Variants in RBM6 observed in about 807,000 individuals in gnomAD.
RBM6 encodes the protein RNA-binding protein 6.
RBM6 carries 23 observed loss-of-function variants against 140.4 expected under a neutral mutation model. The observed-to-expected ratio is 0.16, with a 90% confidence interval of 0.12 to 0.23. The LOEUF (loss-of-function observed/expected upper bound fraction) is 0.23. Among genes scored for constraint, RBM6 ranks in the 10% least tolerant of loss-of-function variants. RBM6 has a pLI of 1.00. For synonymous variants in RBM6, 439 were observed against 475.6 expected (o/e 0.92, Z 1.00); for missense variants, 1,139 against 1,386.7 (o/e 0.82, Z 2.84).
intron 6 of RBM6, among the ~76,000 whole-genome samples, chr3:50,025,958 G>A (rs562272160): frequency 6.6e-6 from 1 of 152,242 alleles, no homozygotes; most frequent in African/African-American, 2.4e-5. Context: ...GCTGGGTGTG[G>A]TGGCAGACGC....
At position 49,967,115 on chromosome 3, in the gene RBM6, T is replaced by C; in HGVS notation, c.45-355T>C. The C allele has an allele frequency of 1.7e-6, 1 of 593,562 alleles. No individual in the cohort carries two copies. The highest frequency in any genetic ancestry group is 2.2e-6 in the Non-Finnish European group (1 of 457,034). 36.8% of individuals were successfully genotyped at this position (593,562 alleles called of 1,614,324 possible). ...TCATGTTGACCTTGGAATTCTTAAGTTCCCTGGCTGTAGGAAATGGAAATT... is the reference window on the plus strand; with the variant it reads ...TCATGTTGACCTTGGAATTCTTAAGCTCCCTGGCTGTAGGAAATGGAAATT... On this transcript the variant is annotated intron_variant, in intron 2 of 20. Coordinates refer to ENST00000266022, the MANE Select transcript of RBM6 (RefSeq NM_005777.3). This position sits in a 1 kb window ranked among gnomAD's most constrained non-coding sequence, Gnocchi z 4.0.
intron 6 of RBM6, among the ~76,000 whole-genome samples, chr3:50,044,095 G>A (rs1411222576): frequency 6.6e-6 from 1 of 151,288 alleles, no homozygotes; most frequent in Admixed American, 6.6e-5. Flanking sequence ...TGCCCAGGCT[G>A]GTCTCGAACT....
intron 17 of RBM6, 98 bp downstream of exon 17, chr3:50,066,600 G>T: frequency 7.0e-7 from 1 of 1,426,944 alleles, no homozygotes; most frequent in Non-Finnish European, 9.5e-7. Flanking sequence ...GGCCGAGGCG[G>T]GTGGATTGCC....
In RBM6 at chr3:49,968,738, G is replaced by A. The variant is rs750436785; in HGVS notation, c.1313G>A (p.Arg438Gln). The A allele has an allele frequency of 8.7e-6, 14 of 1,605,226 alleles. No individual in the cohort carries two copies. The highest frequency in any genetic ancestry group is 1.7e-5 in the Admixed American group (1 of 58,924). The change falls in exon 3 of 21, where the codon CGG becomes CAG. Residue 438 changes from arginine (R) to glutamine (Q), a missense_variant. Around this residue, in one of 9 missense-constraint regions of RBM6, gnomAD observed 566 missense variants for 612.7 expected, o/e 0.92. Coordinates refer to ENST00000266022, the MANE Select transcript of RBM6 (RefSeq NM_005777.3). ...PEGKTARDAQ[R>Q]DLQDQDYRTG... The stretch of plus-strand genomic sequence containing the variant: ...GGCAAAACTGCCCGAGATGCCCAAC[G>A]GGACCTTCAGGTATGTTGATGGGGT...
intron 6 of RBM6, among the ~76,000 whole-genome samples, chr3:50,003,308 TAAA>T (rs61492386): frequency 0.036 from 4,012 of 112,782 alleles, 232 homozygotes; most frequent in African/African-American, 0.12. Context: ...TGTCTAAATT[TAAA>T]AAAAAAAAAA....
intron 19 of RBM6, 45 bp from the exon 20 acceptor site, chr3:50,075,156 C>CAAA (rs376657561): frequency 8.1e-5 from 114 of 1,409,860 alleles, no homozygotes; most frequent in South Asian, 2.0e-4. Context: ...AACTCCGTCT[C>CAAA]AAAAAAAAAA....
chr3:50,063,199 A>C (rs1010697880), intron 15 of RBM6, among the ~76,000 whole-genome samples: 6 of 152,066 alleles, frequency 3.9e-5, no homozygotes, highest in South Asian at 2.1e-4. Flanking sequence ...GCCTCTTTCT[A>C]ATCTTATACT....
chr3:50,061,228 A>AAC lies in RBM6; in HGVS notation c.2353+8_2353+9dup. On this transcript the variant is annotated splice_region_variant and intron_variant, in intron 13 of 20. Coordinates refer to ENST00000266022, the MANE Select transcript of RBM6 (RefSeq NM_005777.3). ...AATCGACAAGGACAACAGTGTAAGT[A>AAC]ACCTTTGTTTTATTTCTGTTGCTCT... 1 of 1,614,024 alleles carries AAC rather than the reference A, an allele frequency of 6.2e-7. No individual in the cohort carries two copies. The highest frequency in any genetic ancestry group is 1.7e-4 in the Middle Eastern group (1 of 6,060).
intron 5 of RBM6, among the ~76,000 whole-genome samples, chr3:49,989,338 G>A (rs536892688): frequency 6.6e-6 from 1 of 152,288 alleles, no homozygotes; most frequent in Non-Finnish European, 1.5e-5. Flanking sequence ...ACTTTGGGAG[G>A]CCGAGGCGGG....
chr3:50,030,576 G>A (rs1473382920), intron 6 of RBM6, among the ~76,000 whole-genome samples: 6 of 152,164 alleles, frequency 3.9e-5, no homozygotes, highest in Admixed American at 3.3e-4. Context: ...TTTCAAAAGC[G>A]TCTGTATTGG....
At chr3:50,075,805 T>G (rs2090441439) in intron 20 of RBM6, among the ~76,000 whole-genome samples, 1 of 152,168 alleles carries the variant, frequency 6.6e-6, no homozygotes, top group South Asian at 2.1e-4. Context: ...TTACCCATTT[T>G]GTGTTGGCTT....
At chr3:49,974,194 G>A (rs2084949729) in intron 4 of RBM6, among the ~76,000 whole-genome samples, 1 of 151,776 alleles carries the variant, frequency 6.6e-6, no homozygotes, top group African/African-American at 2.4e-5. Context: ...ACCGCTTCTG[G>A]CCCTGCTTTT....
chr3:50,051,018 C>T (rs2089443519), intron 7 of RBM6, among the ~76,000 whole-genome samples: 1 of 151,694 alleles, frequency 6.6e-6, no homozygotes, highest in Non-Finnish European at 1.5e-5. Flanking sequence ...CTTTCACTTT[C>T]TTGAGAGTAT....
intron 1 of RBM6, among the ~76,000 whole-genome samples, chr3:49,948,940 C>T (rs2083613917): frequency 6.7e-6 from 1 of 148,278 alleles, no homozygotes; most frequent in African/African-American, 2.5e-5. Flanking sequence ...AAGCAATTCT[C>T]CTGCCTCAGG....
intron 6 of RBM6, among the ~76,000 whole-genome samples, chr3:50,030,496 A>T (rs963583113): frequency 1.3e-5 from 2 of 152,094 alleles, no homozygotes; most frequent in Admixed American, 6.6e-5. Context: ...CTTTTTTCCT[A>T]CAACTTTCTG....
At chr3:49,964,476 T>G (rs547057703) in intron 2 of RBM6, among the ~76,000 whole-genome samples, 3 of 152,360 alleles carry the variant, frequency 2.0e-5, no homozygotes, top group South Asian at 4.1e-4. Flanking sequence ...GATAGCCTGT[T>G]TTTGTAAATA....
At chr3:49,941,188 T>C (rs1050968886) in intron 1 of RBM6, 29 of 152,290 alleles carry the variant, frequency 1.9e-4, no homozygotes, top group African/African-American at 7.0e-4. Flanking sequence ...TGTCAAGAGC[T>C]GGTGCGTGAT....
At chr3:49,948,827 A>ATTT (rs767843268) in intron 1 of RBM6, among the ~76,000 whole-genome samples, 3 of 98,874 alleles carry the variant, frequency 3.0e-5, no homozygotes, top group East Asian at 2.5e-4. Flanking sequence ...TACATACCCA[A>ATTT]TTTTTTTTTT....
intron 4 of RBM6, among the ~76,000 whole-genome samples, chr3:49,972,616 A>G (rs972218893): frequency 2.0e-5 from 3 of 152,214 alleles, no homozygotes; most frequent in South Asian, 2.1e-4. Context: ...TGTGATACTT[A>G]CAAGCATTAG....
Sources: allele counts gnomAD v4.1 joint callset (sites outside exome capture counted in the v4.1 genomes callset), GRCh38; gene constraint gnomAD v4.1.1; regional missense constraint gnomAD v4.1.1; non-coding constraint Gnocchi (gnomAD v3.1); transcripts MANE v1.5; gene names NCBI Gene and HGNC (gene_info 2026-07-23, HGNC 2026-07-21).